Variants in DYNC1I1 observed in about 807,000 individuals in gnomAD.
The protein encoded by DYNC1I1 is cytoplasmic dynein 1 intermediate chain 1.
Under a neutral mutation model 86.6 loss-of-function variants are expected in DYNC1I1, and 43 were observed. The observed-to-expected ratio is 0.50, with a 90% CI of 0.39 to 0.64. The LOEUF (loss-of-function observed/expected upper bound fraction) is 0.64, where lower values mean the gene tolerates loss of function less well. Among genes scored for constraint, DYNC1I1 ranks in the 30% least tolerant of loss-of-function variants. The pLI, the probability that DYNC1I1 is intolerant of heterozygous loss-of-function variation, is 0.00. For missense variants in DYNC1I1, 604 were observed against 788.8 expected (o/e 0.77, Z 2.81); for synonymous variants, 262 against 283.7 (o/e 0.92, Z 0.77).
chr7:95,964,146 T>C (rs1452744102), intron 6 of DYNC1I1, among the ~76,000 whole-genome samples: 1 of 152,138 alleles, frequency 6.6e-6, no homozygotes, highest in Non-Finnish European at 1.5e-5. Flanking sequence ...TGTGATGAAT[T>C]TTGATGAATT....
At chr7:95,899,784 A>G (rs1000366908) in intron 6 of DYNC1I1, among the ~76,000 whole-genome samples, 1 of 152,010 alleles carries the variant, frequency 6.6e-6, no homozygotes, top group Non-Finnish European at 1.5e-5. Flanking sequence ...ACATCACTAG[A>G]TTTTTTTCTG....
chr7:96,089,695 T>A (rs970585455), intron 16 of DYNC1I1, among the ~76,000 whole-genome samples: 2 of 152,258 alleles, frequency 1.3e-5, no homozygotes, highest in African/African-American at 4.8e-5. Context: ...TCATTGTGCT[T>A]TTTTTGGACA....
chr7:96,016,152 T>C (rs1794397044), intron 10 of DYNC1I1, among the ~76,000 whole-genome samples: 1 of 152,174 alleles, frequency 6.6e-6, no homozygotes, highest in South Asian at 2.1e-4. Context: ...AGTTTTAATA[T>C]GAAGAAAGAC....
chr7:96,047,820 C>T (rs1050902373), intron 14 of DYNC1I1, among the ~76,000 whole-genome samples: 11 of 152,040 alleles, frequency 7.2e-5, no homozygotes, highest in Non-Finnish European at 1.2e-4. Context: ...CAGAATTCAC[C>T]GCTATATAAC....
intron 14 of DYNC1I1, among the ~76,000 whole-genome samples, chr7:96,048,806 G>A (rs1789297038): frequency 6.6e-6 from 1 of 152,162 alleles, no homozygotes; most frequent in Non-Finnish European, 1.5e-5. Flanking sequence ...CTGGCCAGAG[G>A]TTTGTACGGT....
At chr7:95,832,044 T>C (rs1788920928) in intron 5 of DYNC1I1, among the ~76,000 whole-genome samples, 1 of 150,956 alleles carries the variant, frequency 6.6e-6, no homozygotes, top group Non-Finnish European at 1.5e-5. Flanking sequence ...TGTATACATG[T>C]GCCATGCTGG....
intron 4 of DYNC1I1, among the ~76,000 whole-genome samples, chr7:95,822,813 G>A (rs1022270246): frequency 2.0e-5 from 3 of 152,152 alleles, no homozygotes; most frequent in Non-Finnish European, 2.9e-5. Flanking sequence ...GAATACTGAC[G>A]GAAATTTAAC....
intron 10 of DYNC1I1, among the ~76,000 whole-genome samples, chr7:96,025,667 GATGAATGA>G (rs1181980952): frequency 1.3e-5 from 2 of 152,044 alleles, no homozygotes; most frequent in South Asian, 2.1e-4. Flanking sequence ...GTAAGTGTTG[GATGAATGA>G]ATGAATGAAG....
At chr7:96,006,981 A>T (rs1475087238) in intron 10 of DYNC1I1, among the ~76,000 whole-genome samples, 1 of 152,236 alleles carries the variant, frequency 6.6e-6, no homozygotes, top group African/African-American at 2.4e-5. Context: ...AAAATATCAC[A>T]TGTACCCCCA....
At chr7:95,896,053 T>G (rs1790875219) in intron 6 of DYNC1I1, among the ~76,000 whole-genome samples, 1 of 152,116 alleles carries the variant, frequency 6.6e-6, no homozygotes, top group African/African-American at 2.4e-5. Context: ...GAAGTGTTGG[T>G]GCTGGACAAA....
intron 9 of DYNC1I1, among the ~76,000 whole-genome samples, chr7:95,988,582 G>T (rs1793654397): frequency 6.6e-6 from 1 of 152,148 alleles, no homozygotes; most frequent in African/African-American, 2.4e-5. Context: ...GGTGACATCA[G>T]AATTTGAACC....
At chr7:96,100,396 C>T (rs1791113123), downstream of DYNC1I1, among the ~76,000 whole-genome samples, 1 of 150,280 alleles carries the variant, frequency 6.7e-6, no homozygotes, top group South Asian at 2.1e-4. Flanking sequence ...TCCTTCTTTC[C>T]TTCTTCTCCT....
intron 15 of DYNC1I1, among the ~76,000 whole-genome samples, chr7:96,078,569 A>AT (rs1790415746): frequency 6.6e-6 from 1 of 152,160 alleles, no homozygotes; most frequent in Admixed American, 6.5e-5. Context: ...TATAGTACTT[A>AT]TATTCCAAAT....
chr7:95,828,164 G>T (rs1795243987), intron 5 of DYNC1I1, 48 bp downstream of exon 5: 1 of 1,604,914 alleles, frequency 6.2e-7, no homozygotes, highest in Non-Finnish European at 8.5e-7. Flanking sequence ...CTTTGCTACA[G>T]TTGTGTTGAA....
chr7:96,093,611 A>G (rs116121710), intron 16 of DYNC1I1, among the ~76,000 whole-genome samples: 1,871 of 152,308 alleles, frequency 0.012, 39 homozygotes, highest in African/African-American at 0.043. Context: ...GAATCAGGAG[A>G]TGGACTGGCT....
In DYNC1I1 at chr7:96,006,695, T is replaced by C. The variant is rs534101665; in HGVS notation, c.969+10622T>C. 4.6e-5 allele frequency among the ~76,000 whole-genome samples: 7 copies of C among 152,334 alleles called. 1 individual carries two copies. The South Asian group carries it at 1.2e-3, about 27-fold the overall frequency. ...AAGAAGATCAGGATAATTAAATGAT[T>C]CTTTTTGAAAAACAAATCATCACAG... On this transcript the variant is annotated intron_variant, in intron 10 of 16. Coordinates refer to ENST00000447467, the MANE Select transcript of DYNC1I1 (RefSeq NM_001135556.2).
intron 15 of DYNC1I1, among the ~76,000 whole-genome samples, chr7:96,078,479 T>A (rs1194658959): frequency 1.3e-5 from 2 of 152,172 alleles, no homozygotes; most frequent in Non-Finnish European, 2.9e-5. Context: ...TAATATAGGC[T>A]GTGATCATTA....
At chr7:95,989,891 A>G (rs1181175596) in intron 9 of DYNC1I1, among the ~76,000 whole-genome samples, 2 of 152,336 alleles carry the variant, frequency 1.3e-5, no homozygotes, top group East Asian at 3.9e-4. Flanking sequence ...CCAGGATTAC[A>G]TACTTATGGG....
chr7:95,951,264 C>T (rs1792544845), intron 6 of DYNC1I1, among the ~76,000 whole-genome samples: 1 of 152,172 alleles, frequency 6.6e-6, no homozygotes, highest in Non-Finnish European at 1.5e-5. Context: ...CAGTCCATCT[C>T]ATCCTTAATA....
Sources: gnomAD v4.1 joint callset for allele counts (sites outside exome capture counted in the v4.1 genomes callset) on GRCh38, gnomAD v4.1.1 for gene constraint, MANE v1.5 for transcripts, NCBI Gene and HGNC (gene_info 2026-07-23, HGNC 2026-07-21) for gene names.